Variants in RUNX1 observed in about 807,000 individuals in gnomAD.
RUNX1 encodes the protein RUNX family transcription factor 1, also known as runt-related transcription factor 1.
Under a neutral mutation model 42.8 loss-of-function variants are expected in RUNX1, and 19 were observed. The ratio of observed to expected loss-of-function variants is 0.44; its 90% CI spans 0.31 to 0.65. The LOEUF (loss-of-function observed/expected upper bound fraction) is 0.65. Ranked by LOEUF, RUNX1 falls within the 30% of genes least tolerant of loss-of-function variation. The pLI, the probability that RUNX1 is intolerant of heterozygous loss-of-function variation, is 0.07. For synonymous variants in RUNX1, 271 were observed against 289.4 expected (o/e 0.94, Z 0.64); for missense variants, 528 against 672.0 (o/e 0.79, Z 2.37).
intron 7 of RUNX1, among the ~76,000 whole-genome samples, chr21:34,815,143 A>C (rs2056808373): frequency 6.6e-6 from 1 of 152,188 alleles, no homozygotes; most frequent in South Asian, 2.1e-4. Flanking sequence ...TGAACAAAAG[A>C]GGTTTCAGAG....
At chr21:34,883,579 T>C (rs1488563992) in intron 4 of RUNX1, among the ~76,000 whole-genome samples, 1 of 152,106 alleles carries the variant, frequency 6.6e-6, no homozygotes, top group Non-Finnish European at 1.5e-5. Context: ...AAACAATAGG[T>C]AAGGAAACAC....
intron 2 of RUNX1, among the ~76,000 whole-genome samples, chr21:34,909,687 C>T (rs376650405): frequency 2.0e-5 from 3 of 150,596 alleles, no homozygotes; most frequent in Admixed American, 1.3e-4. Flanking sequence ...TTAGGCAAGT[C>T]CCCCGGGTCT....
rs57928855 is a variant in RUNX1 at position 34,995,824 on chromosome 21, C to G, written c.58+53018G>C. ...GTTGTCATGGAGTTTATAGAAAAGG[C>G]TATTTAGGAACTAATGCTGTCTTAA... is the stretch of plus-strand genomic sequence containing the variant. On this transcript the variant is annotated intron_variant, in intron 2 of 8. Coordinates refer to ENST00000675419, the MANE Select transcript of RUNX1 (RefSeq NM_001754.5). Among the ~76,000 whole-genome samples the G allele has an allele frequency of 9.2e-5, 14 of 152,110 alleles. No homozygotes were observed. In the South Asian group the frequency reaches 2.9e-3, roughly 31 times the overall value.
rs186655286 is a variant in RUNX1 at position 34,902,114 on chromosome 21, C to T, written c.59-9151G>A. Among the ~76,000 whole-genome samples the T allele has an allele frequency of 2.2e-4, 34 of 152,312 alleles. No homozygotes were observed. In the East Asian group the frequency reaches 2.9e-3, roughly 13 times the overall value. On this transcript the variant is annotated intron_variant, in intron 2 of 8. Transcript: ENST00000675419. ...CTGTTCCTCATGTCCCACATGCTAT[C>T]CCACAGCAAATGCTCCTTCCCAAAC...
intron 2 of RUNX1, among the ~76,000 whole-genome samples, chr21:35,045,555 G>A (rs1009799311): frequency 1.3e-5 from 2 of 152,158 alleles, no homozygotes; most frequent in South Asian, 4.1e-4. Context: ...ACCATGTGAT[G>A]AAACAGGGAG....
chr21:34,792,055 G>T lies in RUNX1; in HGVS notation c.*80C>A. On this transcript the variant is annotated 3_prime_UTR_variant, in exon 9 of 9. Coordinates refer to ENST00000675419, the MANE Select transcript of RUNX1 (RefSeq NM_001754.5). The surrounding 1 kb of genome is among the most constrained non-coding windows in gnomAD (Gnocchi z 6.9). ...GGCCCAGGGCCCGGGATCCCGGCGG[G>T]CTTGTCGCGAACAGGAGGCCCGCGC... 1.1e-6 allele frequency: 1 copy of T among 941,050 alleles called. No individual in the cohort carries two copies. Among genetic ancestry groups the T allele is most frequent in the Non-Finnish European group, 1.5e-6 (1 of 688,464 alleles). 58.3% of individuals were successfully genotyped at this position (941,050 alleles called of 1,614,324 possible).
Position 35,020,116 on chromosome 21 carries a change from A to G in RUNX1, c.58+28726T>C, listed in dbSNP as rs372775437. Among the ~76,000 whole-genome samples, 25 of 152,316 alleles carry G rather than the reference A, an allele frequency of 1.6e-4. No individual in the cohort carries two copies. In the East Asian group the frequency reaches 2.1e-3, roughly 13 times the overall value. On this transcript the variant is annotated intron_variant, in intron 2 of 8. Coordinates refer to ENST00000675419, the MANE Select transcript of RUNX1 (RefSeq NM_001754.5). ...ATACTGTATATATAGCAATAAAAAAACTGAAAAAGTATTATTTTCTAAATC... is the reference window on the plus strand; with the variant it reads ...ATACTGTATATATAGCAATAAAAAAGCTGAAAAAGTATTATTTTCTAAATC...
At chr21:34,998,407 C>G (rs2059013171) in intron 2 of RUNX1, among the ~76,000 whole-genome samples, 1 of 152,274 alleles carries the variant, frequency 6.6e-6, no homozygotes, top group South Asian at 2.1e-4. Context: ...GCTCCCTCCC[C>G]CACCTCCATC....
intron 2 of RUNX1, among the ~76,000 whole-genome samples, chr21:34,934,314 T>C (rs1489807148): frequency 6.6e-6 from 1 of 152,164 alleles, no homozygotes; most frequent in African/African-American, 2.4e-5. Flanking sequence ...TTGTCCCTTC[T>C]GTTAGATTTG....
chr21:34,968,520 C>T (rs1019830422), intron 2 of RUNX1, among the ~76,000 whole-genome samples: 50 of 152,248 alleles, frequency 3.3e-4, no homozygotes, highest in Non-Finnish European at 2.9e-4. Flanking sequence ...TACCGCTCCT[C>T]AGTGGCCTCC....
rs563564800 is a variant in RUNX1, at chr21:34,958,844, T to C, written c.59-65881A>G. ...GACTGGATTAAGAAAATGTGGCACATATACACCATGGAATACTATGCAGCC... is the reference window on the plus strand; with the variant it reads ...GACTGGATTAAGAAAATGTGGCACACATACACCATGGAATACTATGCAGCC... On this transcript the variant is annotated intron_variant, in intron 2 of 8. Transcript: ENST00000675419. Among the ~76,000 whole-genome samples the C allele has an allele frequency of 5.9e-5, 9 of 152,048 alleles. No individual in the cohort carries two copies. The East Asian group carries it at 1.4e-3, about 23-fold the overall frequency.
intron 6 of RUNX1, among the ~76,000 whole-genome samples, chr21:34,858,149 A>G (rs2057521487): frequency 6.6e-6 from 1 of 152,196 alleles, no homozygotes; most frequent in Non-Finnish European, 1.5e-5. Context: ...GGACTTTGGG[A>G]AAGTTGATGC....
rs563718380 is a variant in RUNX1, at chr21:34,796,269, C to T, written c.967+3032G>A. 5.0e-4 allele frequency among the ~76,000 whole-genome samples: 76 copies of T among 152,340 alleles called. No individual in the cohort carries two copies. In the South Asian group the frequency reaches 0.014, roughly 29 times the overall value. The stretch of plus-strand genomic sequence containing the variant: ...CAACGTCATACTACAAAAGACCATC[C>T]ATTTGGTCAAACTATCTTTTTTACA... On this transcript the variant is annotated intron_variant, in intron 8 of 8. Transcript: ENST00000675419.
At chr21:34,798,377 C>G (rs1005310776) in intron 8 of RUNX1, among the ~76,000 whole-genome samples, 2 of 152,180 alleles carry the variant, frequency 1.3e-5, no homozygotes, top group African/African-American at 4.8e-5. Context: ...TCCCTGCCCA[C>G]GAGCAAAGGT....
At chr21:34,835,209 T>C (rs2146081122) in intron 6 of RUNX1, among the ~76,000 whole-genome samples, 1 of 152,134 alleles carries the variant, frequency 6.6e-6, no homozygotes, top group East Asian at 1.9e-4. Context: ...CCTCTCCCTC[T>C]CCTCACAGGC....
Position 34,859,413 on chromosome 21 carries a change from ATACCAGCCTGGAGGGTG to A in RUNX1, c.613+44_613+60del, listed in dbSNP as rs532309202. 657 of 1,229,100 alleles carry A rather than the reference ATACCAGCCTGGAGGGTG, an allele frequency of 5.3e-4. 4 individuals carry two copies. The highest frequency in any genetic ancestry group is 2.8e-3 in the South Asian group (236 of 83,390). The allele number at this position is 1,229,100 out of a possible 1,614,324, so 76.1% of individuals were successfully genotyped here. The stretch of plus-strand genomic sequence containing the variant: ...GGAATCTGAGACATGGTCCCTGAGT[ATACCAGCCTGGAGGGTG>A]TACCAGCCTGGAGGGTGTACCAGCC... On this transcript the variant is annotated intron_variant, in intron 6 of 8. Coordinates refer to ENST00000675419, the MANE Select transcript of RUNX1 (RefSeq NM_001754.5).
intron 5 of RUNX1, among the ~76,000 whole-genome samples, chr21:34,865,506 G>A (rs1347795561): frequency 4.2e-5 from 6 of 143,538 alleles, no homozygotes; most frequent in African/African-American, 1.0e-4. Context: ...CGACGCCAGT[G>A]TGTCCATCCA....
At chr21:35,044,094 GCTCTCGTTCT>G (rs2059379649) in intron 2 of RUNX1, among the ~76,000 whole-genome samples, 1 of 152,178 alleles carries the variant, frequency 6.6e-6, no homozygotes, top group East Asian at 1.9e-4. Context: ...TTCATAAAGG[GCTCTCGTTCT>G]TTTTCCACAA....
rs377305704 is a variant in RUNX1, at chr21:34,792,594, T to C, written c.984A>G (p.Thr328=). 71 of 1,595,404 alleles carry C rather than the reference T, an allele frequency of 4.5e-5. 1 individual carries two copies. In the Middle Eastern group the frequency reaches 9.9e-4, roughly 22 times the overall value. ...GGAACTGGCGCGGGTCGCTGAACGC[T>C]GTCAGGTCGGGTGCCGCTGCAGGGC... is the stretch of plus-strand genomic sequence containing the variant. ...SSRLSTAPDL[T]AFSDPRQFPA... The change falls in exon 9 of 9, where the codon ACA becomes ACG. Residue 328 remains threonine, a synonymous_variant. Transcript: ENST00000675419. This position sits in a 1 kb window ranked among gnomAD's most constrained non-coding sequence, Gnocchi z 6.9.
Sources: gnomAD v4.1 joint callset for allele counts (sites outside exome capture counted in the v4.1 genomes callset) on GRCh38, gnomAD v4.1.1 for gene constraint, Gnocchi (gnomAD v3.1) non-coding constraint, MANE v1.5 for transcripts, NCBI Gene and HGNC (gene_info 2026-07-23, HGNC 2026-07-21) for gene names.